The following XPR1 variants were observed in gnomAD, a reference collection of about 807,000 sequenced individuals.
The protein encoded by XPR1 is xenotropic and polytropic retrovirus receptor 1.
Under a neutral mutation model 87.5 loss-of-function variants are expected in XPR1, and 28 were observed. The observed-to-expected ratio is 0.32, with a 90% CI of 0.24 to 0.44. The LOEUF (loss-of-function observed/expected upper bound fraction) is 0.44. XPR1 is among the 20% of genes least tolerant of loss of function. XPR1 has a pLI of 1.00. For synonymous variants in XPR1, 300 were observed against 306.1 expected, an observed-to-expected ratio of 0.98 and a Z score of 0.21; for missense variants, 559 against 862.3, an observed-to-expected ratio of 0.65 and a Z score of 4.41.
intron 11 of XPR1, among the ~76,000 whole-genome samples, chr1:180,844,397 G>T (rs1651612113): frequency 6.6e-6 from 1 of 151,990 alleles, no homozygotes; most frequent in African/African-American, 2.4e-5. Flanking sequence ...TCATATCTAG[G>T]TATTTACAGC....
At chr1:180,656,561 A>G (rs1292330606) in intron 1 of XPR1, among the ~76,000 whole-genome samples, 1 of 62,348 alleles carries the variant, frequency 1.6e-5, no homozygotes, top group Non-Finnish European at 3.2e-5. Flanking sequence ...TTATATGTAT[A>G]ATATATATTT....
chr1:180,643,762 A>G (rs971453715), intron 1 of XPR1, among the ~76,000 whole-genome samples: 3 of 152,090 alleles, frequency 2.0e-5, no homozygotes, highest in African/African-American at 4.8e-5. Flanking sequence ...TTCCACTGAG[A>G]TAGGAAGAGG....
At chr1:180,636,897 C>CA (rs1433546777) in intron 1 of XPR1, among the ~76,000 whole-genome samples, 2 of 151,896 alleles carry the variant, frequency 1.3e-5, no homozygotes, top group Non-Finnish European at 2.9e-5. Flanking sequence ...ACTAAAAATA[C>CA]AAAAATTAGC....
At chr1:180,835,674 A>G (rs867631886) in intron 10 of XPR1, among the ~76,000 whole-genome samples, 12 of 152,194 alleles carry the variant, frequency 7.9e-5, no homozygotes, top group African/African-American at 2.7e-4. Flanking sequence ...ATCACACTCA[A>G]TTCTGAATTT....
At chr1:180,657,832 G>C (rs1217421504) in intron 1 of XPR1, among the ~76,000 whole-genome samples, 6 of 152,020 alleles carry the variant, frequency 3.9e-5, no homozygotes, top group Admixed American at 3.3e-4. Context: ...GAATGTCATT[G>C]ATATTTTGAT....
intron 2 of XPR1, among the ~76,000 whole-genome samples, chr1:180,776,186 A>G (rs1648708179): frequency 7.7e-6 from 1 of 130,134 alleles, no homozygotes; most frequent in African/African-American, 2.8e-5. Context: ...ATTTATCATT[A>G]AAATTAATTT....
intron 13 of XPR1, among the ~76,000 whole-genome samples, chr1:180,878,617 A>G (rs1652738026): frequency 6.6e-6 from 1 of 152,214 alleles, no homozygotes; most frequent in Non-Finnish European, 1.5e-5. Context: ...TAACTCATCC[A>G]AGGTCATTAC....
intron 11 of XPR1, among the ~76,000 whole-genome samples, chr1:180,849,715 G>A (rs1471043757): frequency 6.6e-6 from 1 of 152,196 alleles, no homozygotes; most frequent in Non-Finnish European, 1.5e-5. Flanking sequence ...GGGTGAGAGT[G>A]TGGGCTTTGG....
Position 180,881,735 on chromosome 1 carries a change from T to C in XPR1, c.2030+1438T>C, listed in dbSNP as rs567673038. Among the ~76,000 whole-genome samples the C allele has an allele frequency of 4.6e-5, 7 of 151,820 alleles. No homozygotes were observed. In the South Asian group the frequency reaches 1.0e-3, roughly 23 times the overall value. On this transcript the variant is annotated intron_variant, in intron 14 of 14. Transcript: ENST00000367590. ...ACTCATTGGATATAGAGGAGTAGAGTAGAACCTGCTGAACTTTAAATAGAG... is the reference window on the plus strand; with the variant it reads ...ACTCATTGGATATAGAGGAGTAGAGCAGAACCTGCTGAACTTTAAATAGAG...
chr1:180,747,274 C>G (rs1368410506), intron 2 of XPR1, among the ~76,000 whole-genome samples: 1 of 152,068 alleles, frequency 6.6e-6, no homozygotes, highest in Non-Finnish European at 1.5e-5. Flanking sequence ...TTGTAGTTAC[C>G]TGTAACTAGC....
chr1:180,799,902 T>C (rs1172408310), intron 3 of XPR1, among the ~76,000 whole-genome samples: 3 of 152,212 alleles, frequency 2.0e-5, no homozygotes, highest in African/African-American at 7.2e-5. Context: ...ATCCAGTTAT[T>C]CACCAAGATT....
Position 180,696,165 on chromosome 1 carries a change from GGTGTGT to G in XPR1, c.121+13793_121+13798del, listed in dbSNP as rs59249501. Among the ~76,000 whole-genome samples the G allele has an allele frequency of 6.6e-3, 681 of 102,902 alleles. 2 individuals carry two copies. Among genetic ancestry groups the G allele is most frequent in the African/African-American group, 0.013 (355 of 28,206 alleles). 67.5% of individuals were successfully genotyped at this position (102,902 alleles called of 152,430 possible). On this transcript the variant is annotated intron_variant, in intron 2 of 14. Coordinates refer to ENST00000367590, the MANE Select transcript of XPR1 (RefSeq NM_004736.4). ...GCCTCCTTCGTTAAATTTATTCCTG[GGTGTGT>G]GTGTGTGTGTGTGTGTGTGTGTGTG... is the stretch of plus-strand genomic sequence containing the variant.
chr1:180,850,963 A>T lies in XPR1; in HGVS notation c.1502-12745A>T, dbSNP rs911363437. Among the ~76,000 whole-genome samples, 24 of 2,460 alleles carry T rather than the reference A, an allele frequency of 9.8e-3. No homozygotes were observed. In the Admixed American group the frequency reaches 0.12, roughly 13 times the overall value. The allele number at this position is 2,460 out of a possible 152,430, so 1.6% of individuals were successfully genotyped here. On this transcript the variant is annotated intron_variant, in intron 11 of 14. Coordinates refer to ENST00000367590, the MANE Select transcript of XPR1 (RefSeq NM_004736.4). ...AACAGATTGAGACCCTGTGTCTTTA[A>T]AAAAAAAAAAAAAAAGGATTATAGT...
At chr1:180,763,987 T>G (rs2331886) in intron 2 of XPR1, among the ~76,000 whole-genome samples, 116,348 of 152,172 alleles carry the variant, frequency 0.76, 44,699 homozygotes, top group African/African-American at 0.82. Flanking sequence ...CTACTGTGTT[T>G]TTACCGTGAA....
chr1:180,722,473 A>G (rs1658207775), intron 2 of XPR1, among the ~76,000 whole-genome samples: 1 of 152,194 alleles, frequency 6.6e-6, no homozygotes, highest in African/African-American at 2.4e-5. Flanking sequence ...TTAAGACAAG[A>G]CTAAGTGAAA....
intron 3 of XPR1, among the ~76,000 whole-genome samples, chr1:180,802,351 T>C (rs1425230037): frequency 6.6e-6 from 1 of 152,194 alleles, no homozygotes; most frequent in Non-Finnish European, 1.5e-5. Flanking sequence ...TATATTCAGA[T>C]ATACCTAGTA....
intron 3 of XPR1, among the ~76,000 whole-genome samples, chr1:180,801,242 G>C (rs942309126): frequency 5.3e-5 from 8 of 152,198 alleles, no homozygotes; most frequent in African/African-American, 1.7e-4. Flanking sequence ...AGTAAACATA[G>C]AGCTTTTTAA....
intron 1 of XPR1, among the ~76,000 whole-genome samples, chr1:180,654,645 A>T (rs978908701): frequency 2.6e-5 from 4 of 152,164 alleles, no homozygotes; most frequent in African/African-American, 7.2e-5. Flanking sequence ...TAAGTACCTC[A>T]TATAAGTAGA....
Position 180,724,563 on chromosome 1 carries a change from G to C in XPR1, c.121+42152G>C, listed in dbSNP as rs140099763. ...TGCCTATAAAGTTAAGTAAGGGTTT[G>C]TGGGTGTAAGGGGCTAAAGTTGGCA... On this transcript the variant is annotated intron_variant, in intron 2 of 14. Coordinates refer to ENST00000367590, the MANE Select transcript of XPR1 (RefSeq NM_004736.4). Among the ~76,000 whole-genome samples the C allele has an allele frequency of 2.5e-4, 38 of 151,960 alleles. No individual in the cohort carries two copies. In the East Asian group the frequency reaches 6.6e-3, roughly 26 times the overall value.
Sources: allele counts gnomAD v4.1 joint callset (sites outside exome capture counted in the v4.1 genomes callset), GRCh38; gene constraint gnomAD v4.1.1; transcripts MANE v1.5; gene names NCBI Gene and HGNC (gene_info 2026-07-23, HGNC 2026-07-21).